ADD3: variants seen among roughly 807,000 people sequenced by gnomAD.
The protein encoded by ADD3 is gamma-adducin.
ADD3 carries 25 observed loss-of-function variants against 80.2 expected under a neutral mutation model. That is an observed-to-expected ratio of 0.31 (90% CI 0.23 to 0.44). The LOEUF (loss-of-function observed/expected upper bound fraction) is 0.44, where lower values mean the gene tolerates loss of function less well. Ranked by LOEUF, ADD3 falls within the 20% of genes least tolerant of loss-of-function variation. ADD3 has a pLI of 1.00. For missense variants in ADD3, 829 were observed against 847.5 expected, an observed-to-expected ratio of 0.98 and a Z score of 0.27; for synonymous variants, 284 against 289.6, an observed-to-expected ratio of 0.98 and a Z score of 0.20.
At chr10:110,105,313 C>G (rs952774937) in intron 2 of ADD3, among the ~76,000 whole-genome samples, 7 of 152,176 alleles carry the variant, frequency 4.6e-5, no homozygotes, top group African/African-American at 1.7e-4. Context: ...TAATTTACCC[C>G]CTTTTCTCAA....
intron 1 of ADD3, among the ~76,000 whole-genome samples, chr10:109,996,634 A>G (rs1278194455): frequency 1.3e-5 from 2 of 152,222 alleles, no homozygotes; most frequent in African/African-American, 4.8e-5. Context: ...CATGTTCATA[A>G]ATTAATGTCT....
chr10:110,029,141 A>G (rs563940789), intron 1 of ADD3, among the ~76,000 whole-genome samples: 2 of 152,304 alleles, frequency 1.3e-5, no homozygotes, highest in South Asian at 4.1e-4. Context: ...GGCCTCCCAA[A>G]GTGCTGAGAT....
intron 1 of ADD3, among the ~76,000 whole-genome samples, chr10:110,050,216 A>G (rs1400480403): frequency 1.3e-5 from 2 of 152,128 alleles, no homozygotes; most frequent in African/African-American, 4.8e-5. Context: ...AGGTGGAATG[A>G]TATGGCTTGG....
At chr10:110,078,786 G>C (rs2133738201) in intron 1 of ADD3, among the ~76,000 whole-genome samples, 1 of 152,096 alleles carries the variant, frequency 6.6e-6, no homozygotes, top group East Asian at 1.9e-4. Context: ...AAAAAATATT[G>C]GTTACAATGT....
In ADD3 at chr10:110,133,483, T is replaced by TAA; in HGVS notation, c.1987_1988dup (p.Pro665LeufsTer32). 1 of 1,613,908 alleles carries TAA rather than the reference T, an allele frequency of 6.2e-7. No homozygotes were observed. The highest frequency in any genetic ancestry group is 8.5e-7 in the Non-Finnish European group (1 of 1,179,908). On this transcript the variant is annotated frameshift_variant, in exon 15 of 15. Coordinates refer to ENST00000356080, the MANE Select transcript of ADD3 (RefSeq NM_016824.5). LOFTEE classifies it high-confidence loss of function. Reference sequence around the variant, plus strand: ...CCATAGAAAACATCGAGATTACTATTAAGTCTCCAGAGAAAATCGAAGAAG... The same window carrying TAA: ...CCATAGAAAACATCGAGATTACTATTAAAAGTCTCCAGAGAAAATCGAAGAAG...
intron 1 of ADD3, among the ~76,000 whole-genome samples, chr10:110,010,649 C>CTA (rs879770620): frequency 4.6e-5 from 7 of 152,326 alleles, no homozygotes; most frequent in South Asian, 2.1e-4. Context: ...ACCTCTGTGC[C>CTA]AGGCACTAAG....
At chr10:110,020,945 G>A (rs1853602163) in intron 1 of ADD3, among the ~76,000 whole-genome samples, 1 of 152,200 alleles carries the variant, frequency 6.6e-6, no homozygotes, top group African/African-American at 2.4e-5. Context: ...CATTTGAAAT[G>A]TCTGTTAGAC....
At chr10:110,000,321 C>A (rs1851461444) in intron 1 of ADD3, among the ~76,000 whole-genome samples, 1 of 152,158 alleles carries the variant, frequency 6.6e-6, no homozygotes. Context: ...TGATTTATAG[C>A]TCTGAGAGTT....
intron 1 of ADD3, among the ~76,000 whole-genome samples, chr10:110,009,032 G>A (rs1214181122): frequency 6.6e-6 from 1 of 152,160 alleles, no homozygotes; most frequent in East Asian, 1.9e-4. Context: ...CATAATCTGG[G>A]CCTCTTTTAA....
At chr10:110,037,561 C>T (rs531825694) in intron 1 of ADD3, among the ~76,000 whole-genome samples, 31 of 147,960 alleles carry the variant, frequency 2.1e-4, no homozygotes, top group African/African-American at 7.3e-4. Context: ...GCCGAGATCT[C>T]GCCACTGCCC....
In ADD3 at chr10:110,133,907, G is replaced by GACA; in HGVS notation, c.*289_*290insACA. ...ACAGCTATCTGTCTGAATTACTTCA[G>GACA]GCCTTCTCCATAATATCTGTTAGAA... On this transcript the variant is annotated 3_prime_UTR_variant, in exon 15 of 15. Coordinates refer to ENST00000356080, the MANE Select transcript of ADD3 (RefSeq NM_016824.5). The GACA allele has an allele frequency of 4.7e-6, 1 of 210,902 alleles. No individual in the cohort carries two copies. Among genetic ancestry groups the GACA allele is most frequent in the Non-Finnish European group, 9.3e-6 (1 of 107,368 alleles). 13.1% of individuals were successfully genotyped at this position (210,902 alleles called of 1,614,324 possible). A position where few individuals can be genotyped will look rare whatever the true frequency, so the allele number is the denominator to read the frequency against.
rs1851825937 is a variant in ADD3 at position 110,008,043 on chromosome 10, G to C, written c.-286G>C. On this transcript the variant is annotated 5_prime_UTR_variant, in exon 1 of 15. Transcript: ENST00000356080. ...TGTGAGGGGCGGGAGGGAAAGAAGA[G>C]GGGTTTAAATTAGATTTTTTAAAAC... 6.6e-6 allele frequency: 1 copy of C among 152,288 alleles called. No homozygotes were observed. Among genetic ancestry groups the C allele is most frequent in the Non-Finnish European group, 1.5e-5 (1 of 68,116 alleles). The allele number at this position is 152,288 out of a possible 1,614,324, so 9.4% of individuals were successfully genotyped here.
chr10:110,110,124 A>G (rs563205056), intron 2 of ADD3, among the ~76,000 whole-genome samples: 3 of 152,210 alleles, frequency 2.0e-5, no homozygotes, highest in Non-Finnish European at 4.4e-5. Flanking sequence ...TTAGGATTCA[A>G]ATGTCACAAT....
At chr10:110,057,430 C>G (rs1007438748) in intron 1 of ADD3, among the ~76,000 whole-genome samples, 33 of 152,076 alleles carry the variant, frequency 2.2e-4, no homozygotes, top group African/African-American at 8.0e-4. Flanking sequence ...TCCCAAAGTG[C>G]TGGGATTATG....
upstream of ADD3, among the ~76,000 whole-genome samples, chr10:110,003,302 G>GGGGGGGGTGTGTGTGTGTGTGTGTGTGT: frequency 6.8e-6 from 1 of 147,030 alleles, no homozygotes; most frequent in African/African-American, 2.6e-5. Context: ...GAACAGTAAG[G>GGGGGGGGTGTGTGTGTGTGTGTGTGTGT]GTGTGTGTGT....
chr10:110,068,841 C>G (rs1459720784), intron 1 of ADD3, among the ~76,000 whole-genome samples: 1 of 152,092 alleles, frequency 6.6e-6, no homozygotes, highest in Non-Finnish European at 1.5e-5. Flanking sequence ...CTTTGGGAGG[C>G]TGAGGGAGCT....
In ADD3 at chr10:110,112,774, C is replaced by T. The variant is rs751218662; in HGVS notation, c.196-3C>T. On this transcript the variant is annotated splice_polypyrimidine_tract_variant and splice_region_variant and intron_variant, in intron 2 of 14. Coordinates refer to ENST00000356080, the MANE Select transcript of ADD3 (RefSeq NM_016824.5). ...GCTCAGTCTTTATTTTTGTGTATTA[C>T]AGGCCTTTCGGGAAGACTTGGAATG... 6.2e-7 allele frequency: 1 copy of T among 1,611,686 alleles called. No individual in the cohort carries two copies. The highest frequency in any genetic ancestry group is 8.5e-7 in the Non-Finnish European group (1 of 1,179,068).
At chr10:110,049,969 G>A (rs906447700) in intron 1 of ADD3, among the ~76,000 whole-genome samples, 5 of 151,728 alleles carry the variant, frequency 3.3e-5, no homozygotes, top group Non-Finnish European at 5.9e-5. Context: ...GTTTTTGTCA[G>A]TTTCTCCCAT....
chr10:110,104,361 T>A (rs1461951000), intron 2 of ADD3, among the ~76,000 whole-genome samples: 1 of 152,234 alleles, frequency 6.6e-6, no homozygotes, highest in African/African-American at 2.4e-5. Flanking sequence ...TTCCTTTTTC[T>A]TGAAAGGTAG....
Sources: allele counts gnomAD v4.1 joint callset (sites outside exome capture counted in the v4.1 genomes callset), GRCh38; gene constraint gnomAD v4.1.1; transcripts MANE v1.5; gene names NCBI Gene and HGNC (gene_info 2026-07-23, HGNC 2026-07-21).